Variants in RYR2 observed in about 807,000 individuals in gnomAD.
The protein encoded by RYR2 is ryanodine receptor 2, also known as cardiac muscle ryanodine receptor-calcium release channel.
In RYR2, 227 loss-of-function variants were observed where a neutral mutation model predicts 601.1. The ratio of observed to expected loss-of-function variants is 0.38; its 90% CI spans 0.34 to 0.42. The LOEUF (loss-of-function observed/expected upper bound fraction) is 0.42. Ranked by LOEUF, RYR2 falls within the 10% of genes least tolerant of loss-of-function variation. RYR2 has a pLI of 1.00. For synonymous variants in RYR2, 2,223 were observed against 2,175.1 expected, an observed-to-expected ratio of 1.02 and a Z score of -0.61; for missense variants, 4,646 against 6,156.5, an observed-to-expected ratio of 0.75 and a Z score of 8.21.
intron 46 of RYR2, among the ~76,000 whole-genome samples, chr1:237,639,530 G>A (rs1480418727): frequency 1.3e-5 from 2 of 152,166 alleles, no homozygotes; most frequent in Non-Finnish European, 2.9e-5. Flanking sequence ...TTAGACTGGA[G>A]TTTAGTGGGA....
chr1:237,355,726 G>C (rs1699237602), intron 3 of RYR2, among the ~76,000 whole-genome samples: 1 of 152,004 alleles, frequency 6.6e-6, no homozygotes, highest in Admixed American at 6.6e-5. Context: ...TTATGTACCT[G>C]GTGCATTTCC....
chr1:237,433,871 T>TAAAA lies in RYR2; in HGVS notation c.1006-7443_1006-7440dup, dbSNP rs779079846. Among the ~76,000 whole-genome samples, 46 of 152,156 alleles carry TAAAA rather than the reference T, an allele frequency of 3.0e-4. No individual in the cohort carries two copies. In the East Asian group the frequency reaches 6.8e-3, roughly 22 times the overall value. ...ACTTACATTATGAAAGGCAAACACT[T>TAAAA]AAAAAAAATGATGTAACATATATCT... On this transcript the variant is annotated intron_variant, in intron 12 of 104. Transcript: ENST00000366574.
At chr1:237,335,047 C>T (rs1697114319) in intron 3 of RYR2, among the ~76,000 whole-genome samples, 1 of 152,120 alleles carries the variant, frequency 6.6e-6, no homozygotes. Flanking sequence ...ACTGCCTTTT[C>T]TCTGGGCTTG....
intron 1 of RYR2, among the ~76,000 whole-genome samples, chr1:237,231,765 G>A (rs747524938): frequency 1.5e-4 from 23 of 152,116 alleles, no homozygotes; most frequent in Non-Finnish European, 4.4e-5. Context: ...ATAACACTGT[G>A]GTCATGGCCT....
chr1:237,475,562 G>T (rs1443476644), intron 17 of RYR2, among the ~76,000 whole-genome samples: 3 of 152,146 alleles, frequency 2.0e-5, no homozygotes, highest in Non-Finnish European at 4.4e-5. Context: ...ATTTATAGTG[G>T]AAGTGGAAGC....
intron 6 of RYR2, among the ~76,000 whole-genome samples, 163 bp downstream of exon 6, chr1:237,369,771 T>G (rs1253456348): frequency 1.3e-5 from 2 of 152,244 alleles, no homozygotes; most frequent in Non-Finnish European, 2.9e-5. Context: ...ATGTAAAAGA[T>G]GAAAGTCAGC....
intron 10 of RYR2, among the ~76,000 whole-genome samples, chr1:237,409,029 A>G (rs1227777694): frequency 6.6e-6 from 1 of 152,102 alleles, no homozygotes; most frequent in African/African-American, 2.4e-5. Flanking sequence ...AAACTTTCCT[A>G]TAATTGTCTA....
chr1:237,570,699 C>T (rs1474783273), intron 29 of RYR2, among the ~76,000 whole-genome samples: 1 of 152,096 alleles, frequency 6.6e-6, no homozygotes, highest in Admixed American at 6.6e-5. Flanking sequence ...TTAAAGGGCT[C>T]AATTCCCTCA....
chr1:237,350,911 A>C (rs1443644654), intron 3 of RYR2, among the ~76,000 whole-genome samples: 1 of 152,026 alleles, frequency 6.6e-6, no homozygotes, highest in East Asian at 1.9e-4. Context: ...CAGTATGATT[A>C]ATTAACATAT....
chr1:237,369,517 T>A lies in RYR2; in HGVS notation c.310-17T>A. The A allele has an allele frequency of 6.4e-7, 1 of 1,553,694 alleles. No individual in the cohort carries two copies. Among genetic ancestry groups the A allele is most frequent in the Non-Finnish European group, 8.7e-7 (1 of 1,146,828 alleles). On this transcript the variant is annotated splice_polypyrimidine_tract_variant and intron_variant, in intron 5 of 104. Coordinates refer to ENST00000366574, the MANE Select transcript of RYR2 (RefSeq NM_001035.3). ...TGTTTTTCTCTCTTGTTCTCCTTTTTTCTCTTCTCTCTAAAGACTGCTCAA... is the reference window on the plus strand; with the variant it reads ...TGTTTTTCTCTCTTGTTCTCCTTTTATCTCTTCTCTCTAAAGACTGCTCAA...
intron 2 of RYR2, among the ~76,000 whole-genome samples, chr1:237,301,614 T>C (rs1316971035): frequency 2.6e-5 from 4 of 151,160 alleles, no homozygotes; most frequent in African/African-American, 9.9e-5. Context: ...GCAGAACCAG[T>C]TTCTTAGTAA....
intron 19 of RYR2, among the ~76,000 whole-genome samples, chr1:237,495,114 A>G (rs1170515409): frequency 6.6e-6 from 1 of 152,178 alleles, no homozygotes; most frequent in Non-Finnish European, 1.5e-5. Flanking sequence ...AATATATAAT[A>G]TACATATATA....
At chr1:237,208,936 G>GTGTGTGTATA (rs1418847642) in intron 1 of RYR2, among the ~76,000 whole-genome samples, 6 of 89,870 alleles carry the variant, frequency 6.7e-5, no homozygotes, top group South Asian at 3.9e-4. Flanking sequence ...ATGTGTGTGT[G>GTGTGTGTATA]TATATATATA....
At chr1:237,422,497 T>C (rs2150054791) in intron 11 of RYR2, among the ~76,000 whole-genome samples, 1 of 152,312 alleles carries the variant, frequency 6.6e-6, no homozygotes, top group African/African-American at 2.4e-5. Flanking sequence ...TTGGCTTATC[T>C]TTTTTGTTCA....
Position 237,707,165 on chromosome 1 carries a change from C to T in RYR2, c.9797C>T (p.Thr3266Ile), listed in dbSNP as rs1688452671. The T allele has an allele frequency of 1.2e-6, 2 of 1,613,166 alleles. No individual in the cohort carries two copies. The highest frequency in any genetic ancestry group is 2.2e-5 in the East Asian group (1 of 44,866). Residue 3266 changes from threonine to isoleucine, a missense_variant, in exon 68 of 105, where the codon ACA (threonine) becomes ATA (isoleucine). Physicochemically the swap from Thr to Ile is moderately conservative, Grantham distance 89 (BLOSUM62 -1). Transcript: ENST00000366574. ...CCAGAACGGGCCGAGATGTGCTGCA[C>T]AGCCCTGAACTCAGAGCACATGAAC... ...NNPERAEMCC[T>I]ALNSEHMNTL...
At chr1:237,690,367 T>C (rs1323395753) in intron 63 of RYR2, among the ~76,000 whole-genome samples, 1 of 152,218 alleles carries the variant, frequency 6.6e-6, no homozygotes, top group East Asian at 1.9e-4. Flanking sequence ...TAAAGTGGGC[T>C]AAAATACCTA....
At chr1:237,715,316 CA>C (rs1040020111) in intron 71 of RYR2, among the ~76,000 whole-genome samples, 1 of 152,082 alleles carries the variant, frequency 6.6e-6, no homozygotes, top group African/African-American at 2.4e-5. Flanking sequence ...AACAAATGAA[CA>C]AAAAATACCC....
At chr1:237,675,595 A>G (rs1685325211) in intron 60 of RYR2, among the ~76,000 whole-genome samples, 1 of 151,872 alleles carries the variant, frequency 6.6e-6, no homozygotes, top group Admixed American at 6.6e-5. Flanking sequence ...ATTTATTTTC[A>G]TTTTCGTTCT....
At chr1:237,368,910 A>G (rs1036477816) in intron 5 of RYR2, among the ~76,000 whole-genome samples, 1 of 151,514 alleles carries the variant, frequency 6.6e-6, no homozygotes, top group Non-Finnish European at 1.5e-5. Flanking sequence ...TGCAACCTCC[A>G]CCTCCCGGGT....
Sources: gnomAD v4.1 joint callset for allele counts (sites outside exome capture counted in the v4.1 genomes callset) on GRCh38, gnomAD v4.1.1 for gene constraint, MANE v1.5 for transcripts, NCBI Gene and HGNC (gene_info 2026-07-23, HGNC 2026-07-21) for gene names.